The following PDGFC variants were observed in gnomAD, a reference collection of about 807,000 sequenced individuals.
PDGFC encodes platelet derived growth factor C, also known as platelet-derived growth factor C.
In PDGFC, 12 loss-of-function variants were observed where a neutral mutation model predicts 35.5. The observed-to-expected ratio is 0.34, with a 90% CI of 0.22 to 0.55. The LOEUF is 0.55. Ranked by LOEUF, PDGFC falls within the 20% of genes least tolerant of loss-of-function variation. The probability of loss-of-function intolerance (pLI) is 0.91; values close to 1 mark genes in which losing one functional copy is unlikely to be tolerated. For missense variants in PDGFC, 322 were observed against 412.4 expected (o/e 0.78, Z 1.90); for synonymous variants, 159 against 148.8 (o/e 1.07, Z -0.50).
chr4:156,894,180 T>C (rs1217615083), intron 1 of PDGFC, among the ~76,000 whole-genome samples: 1 of 152,154 alleles, frequency 6.6e-6, no homozygotes, highest in Non-Finnish European at 1.5e-5. Context: ...GTATTAACCA[T>C]CCCCCTTTAG....
rs1214932933 is a variant in PDGFC at position 156,761,605 on chromosome 4, C to T, written c.*1485G>A. 6.6e-6 allele frequency: 1 copy of T among 152,512 alleles called. No individual in the cohort carries two copies. Among genetic ancestry groups the T allele is most frequent in the African/African-American group, 2.4e-5 (1 of 41,428 alleles). 9.4% of individuals were successfully genotyped at this position (152,512 alleles called of 1,614,324 possible). On this transcript the variant is annotated 3_prime_UTR_variant, in exon 6 of 6. Coordinates refer to ENST00000502773, the MANE Select transcript of PDGFC (RefSeq NM_016205.3). ...CCAAGAAATAAATCTTGAGCACACA[C>T]ACACATAATTTTCTCCCCAAAATAG...
intron 2 of PDGFC, among the ~76,000 whole-genome samples, chr4:156,838,417 A>G (rs1434159609): frequency 6.6e-6 from 1 of 152,212 alleles, no homozygotes; most frequent in Non-Finnish European, 1.5e-5. Context: ...AACCAGGCCA[A>G]TCACAATTCT....
At chr4:156,848,888 C>T (rs560027409) in intron 2 of PDGFC, among the ~76,000 whole-genome samples, 1 of 151,852 alleles carries the variant, frequency 6.6e-6, no homozygotes, top group Non-Finnish European at 1.5e-5. Flanking sequence ...GGAGAAAGCA[C>T]AAGAAAGTGC....
chr4:156,790,396 G>A (rs1731263095), intron 3 of PDGFC, among the ~76,000 whole-genome samples: 1 of 152,120 alleles, frequency 6.6e-6, no homozygotes, highest in African/African-American at 2.4e-5. Flanking sequence ...AGTTAAAAAT[G>A]GAATGGACTT....
At chr4:156,919,604 G>A (rs1328320705) in intron 1 of PDGFC, among the ~76,000 whole-genome samples, 9 of 152,098 alleles carry the variant, frequency 5.9e-5, no homozygotes, top group African/African-American at 1.9e-4. Flanking sequence ...AGAAGCTGAG[G>A]ACCAGAGAGA....
intron 1 of PDGFC, among the ~76,000 whole-genome samples, chr4:156,873,171 AT>A (rs1730027995): frequency 6.6e-6 from 1 of 152,218 alleles, no homozygotes; most frequent in South Asian, 2.1e-4. Flanking sequence ...TTCTAAATGT[AT>A]AATGAGATTA....
intron 5 of PDGFC, 62 bp downstream of exon 5, chr4:156,767,711 C>G: frequency 1.0e-6 from 1 of 993,856 alleles, no homozygotes; most frequent in Middle Eastern, 2.1e-4. Flanking sequence ...ATTTCAGATT[C>G]ACTGTTTTGT....
chr4:156,828,034 T>C (rs1318193986), intron 2 of PDGFC, among the ~76,000 whole-genome samples: 3 of 152,172 alleles, frequency 2.0e-5, no homozygotes, highest in East Asian at 1.9e-4. Context: ...TCTCGTCCCA[T>C]TGAGGCAAAT....
intron 1 of PDGFC, among the ~76,000 whole-genome samples, chr4:156,886,333 AG>A (rs1434571195): frequency 6.6e-6 from 1 of 152,236 alleles, no homozygotes; most frequent in East Asian, 1.9e-4. Flanking sequence ...TATTCCTAAA[AG>A]ACCAAAAGGT....
intron 3 of PDGFC, among the ~76,000 whole-genome samples, chr4:156,791,596 GATTCACAC>G (rs2110882817): frequency 6.6e-6 from 1 of 151,872 alleles, no homozygotes; most frequent in East Asian, 1.9e-4. Context: ...TCAAAGAACT[GATTCACAC>G]ATTAACTGGG....
At chr4:156,772,331 A>C (rs1730712576) in intron 4 of PDGFC, among the ~76,000 whole-genome samples, 1 of 152,268 alleles carries the variant, frequency 6.6e-6, no homozygotes, top group East Asian at 1.9e-4. Flanking sequence ...CAGCTATGAT[A>C]ATTTCTTTTG....
intron 1 of PDGFC, among the ~76,000 whole-genome samples, chr4:156,888,387 A>G (rs1730425963): frequency 1.3e-5 from 2 of 152,258 alleles, no homozygotes; most frequent in South Asian, 4.1e-4. Flanking sequence ...ACATATTTAT[A>G]CCATCTGAGC....
chr4:156,920,745 T>C (rs1731256291), intron 1 of PDGFC, among the ~76,000 whole-genome samples: 1 of 151,984 alleles, frequency 6.6e-6, no homozygotes, highest in African/African-American at 2.4e-5. Flanking sequence ...GCCTAAGAAT[T>C]TTCTCTGGCC....
intron 2 of PDGFC, among the ~76,000 whole-genome samples, chr4:156,823,852 T>C (rs576541217): frequency 6.6e-6 from 1 of 152,182 alleles, no homozygotes; most frequent in Admixed American, 6.5e-5. Flanking sequence ...AACGAATAAA[T>C]GGATAAGGAA....
chr4:156,967,655 G>T (rs2110990226), intron 1 of PDGFC: 1 of 152,266 alleles, frequency 6.6e-6, no homozygotes, highest in Admixed American at 6.5e-5. Flanking sequence ...GACAAAGTAG[G>T]TTTTGTTTTG....
chr4:156,842,057 C>A (rs1243632209), intron 2 of PDGFC: 2 of 151,988 alleles, frequency 1.3e-5, no homozygotes, highest in African/African-American at 4.8e-5. Flanking sequence ...CCCTGTTCAA[C>A]ACGAAGAAAA....
chr4:156,882,107 TG>T (rs1730258274), intron 1 of PDGFC, among the ~76,000 whole-genome samples: 1 of 152,156 alleles, frequency 6.6e-6, no homozygotes, highest in Non-Finnish European at 1.5e-5. Flanking sequence ...GAAGTATGAC[TG>T]TATCTATAGT....
At chr4:156,906,027 CAG>C (rs1730907677) in intron 1 of PDGFC, among the ~76,000 whole-genome samples, 2 of 152,158 alleles carry the variant, frequency 1.3e-5, no homozygotes, top group African/African-American at 4.8e-5. Context: ...TAAGTATACA[CAG>C]AGATATACAT....
chr4:156,860,330 G>A (rs1202507081), intron 1 of PDGFC, among the ~76,000 whole-genome samples: 4 of 152,116 alleles, frequency 2.6e-5, no homozygotes, highest in Non-Finnish European at 5.9e-5. Flanking sequence ...CACTGTTTAT[G>A]TGAGTGTAAT....
Sources: gnomAD v4.1 joint callset for allele counts (sites outside exome capture counted in the v4.1 genomes callset) on GRCh38, gnomAD v4.1.1 for gene constraint, MANE v1.5 for transcripts, NCBI Gene and HGNC (gene_info 2026-07-23, HGNC 2026-07-21) for gene names.